SPTB: variants seen among roughly 807,000 people sequenced by gnomAD.
SPTB encodes the protein spectrin beta chain, erythrocytic.
SPTB carries 45 observed loss-of-function variants against 256.2 expected under a neutral mutation model. The ratio of observed to expected loss-of-function variants is 0.18; its 90% confidence interval spans 0.14 to 0.23. The LOEUF is 0.23. Among genes scored for constraint, SPTB ranks in the 10% least tolerant of loss-of-function variants. The pLI is 1.00. For missense variants in SPTB, 2,715 were observed against 3,040.4 expected (o/e 0.89, Z 2.52); for synonymous variants, 1,231 against 1,243.1 (o/e 0.99, Z 0.21).
At position 64,775,346 on chromosome 14, in the gene SPTB, C is replaced by A. The variant is rs766366799; in HGVS notation, c.4621G>T (p.Gly1541Trp). Residue 1541 changes from glycine (G) to tryptophan (W), a missense_variant, in exon 23 of 36, where the codon GGG becomes TGG. Gly to Trp is a radical substitution (Grantham distance 184). Around this residue, in one of 4 missense-constraint regions of SPTB, gnomAD observed 2,239 missense variants for 2,384.4 expected, o/e 0.94. Coordinates refer to ENST00000644917, the MANE Select transcript of SPTB (RefSeq NM_001355436.2). The surrounding 1 kb of genome is among the most constrained non-coding windows in gnomAD (Gnocchi z 5.0). The stretch of plus-strand genomic sequence containing the variant: ...TCCGCCGCCTCCACCAGCTGCTGCC[C>A]TCTCTGCAGCACATCCTCAACCCGC... ...TPRVEDVLQR[G>W]QQLVEAAEID... The A allele has an allele frequency of 1.9e-6, 3 of 1,613,378 alleles. No individual in the cohort carries two copies. The highest frequency in any genetic ancestry group is 3.3e-5 in the Admixed American group (2 of 59,986).
At chr14:64,783,162 T>A (rs539403163) in intron 19 of SPTB, among the ~76,000 whole-genome samples, 2 of 152,318 alleles carry the variant, frequency 1.3e-5, no homozygotes, top group Non-Finnish European at 2.9e-5. Context: ...GTGGGCACAG[T>A]GTGATATAAA....
At chr14:64,797,325 C>T (rs1448428640) in intron 10 of SPTB, among the ~76,000 whole-genome samples, 1 of 151,770 alleles carries the variant, frequency 6.6e-6, no homozygotes, top group Non-Finnish European at 1.5e-5. Context: ...TAACATTTAG[C>T]CAGGTGTGGT....
chr14:64,851,942 T>C (rs1047954148), intron 1 of SPTB, among the ~76,000 whole-genome samples: 4 of 152,060 alleles, frequency 2.6e-5, no homozygotes, highest in Admixed American at 2.0e-4. Context: ...GATGGGTTGA[T>C]TGATATGTGC....
chr14:64,766,994 C>T (rs1222314341), intron 31 of SPTB, among the ~76,000 whole-genome samples, 193 bp from the exon 32 acceptor site: 1 of 152,194 alleles, frequency 6.6e-6, no homozygotes, highest in Admixed American at 6.5e-5. Context: ...GCAGATTCTT[C>T]AGAAGGGAGC....
In SPTB at chr14:64,847,092, G is replaced by A. The variant is rs991582606; in HGVS notation, c.-51-23947C>T. 3.9e-5 allele frequency among the ~76,000 whole-genome samples: 6 copies of A among 152,152 alleles called. No individual in the cohort carries two copies. The highest frequency in any genetic ancestry group is 2.1e-4 in the South Asian group (1 of 4,826). ...CCTTGTCTATGTGTAGCTCCACCTC[G>A]GGGTGTGATTTCCTCAGTTGTTCAC... On this transcript the variant is annotated intron_variant, in intron 1 of 35. Coordinates refer to ENST00000644917, the MANE Select transcript of SPTB (RefSeq NM_001355436.2). The surrounding 1 kb of genome is among the most constrained non-coding windows in gnomAD (Gnocchi z 5.9).
In SPTB at chr14:64,775,375, G is replaced by T. The variant is rs149999354; in HGVS notation, c.4592C>A (p.Thr1531Lys). The change falls in exon 23 of 36, where the codon ACG becomes AAG. Residue 1531 changes from threonine to lysine, a missense_variant. Around this residue, in one of 4 missense-constraint regions of SPTB, gnomAD observed 2,239 missense variants for 2,384.4 expected, o/e 0.94. Coordinates refer to ENST00000644917, the MANE Select transcript of SPTB (RefSeq NM_001355436.2). The surrounding 1 kb of genome is among the most constrained non-coding windows in gnomAD (Gnocchi z 5.0). Reference sequence around the variant, plus strand: ...CTGCAGCACATCCTCAACCCGCGGCGTATGGCCCAGAATCTCATTCTGCAG... The same window carrying T: ...CTGCAGCACATCCTCAACCCGCGGCTTATGGCCCAGAATCTCATTCTGCAG... ...QTLQNEILGH[T>K]PRVEDVLQRG... The T allele has an allele frequency of 1.9e-6, 3 of 1,612,956 alleles. No homozygotes were observed. In the South Asian group the frequency reaches 3.3e-5, roughly 18 times the overall value.
At position 64,760,519 on chromosome 14, in the gene SPTB, C is replaced by T. The variant is rs2082078590; in HGVS notation, c.6345+6207G>A. ...GAACACAGGCGACAAGGTCTTCTCT[C>T]TAAAGGTAACACCAGTGAGAACCAG... On this transcript the variant is annotated intron_variant, in intron 32 of 35. Transcript: ENST00000644917. The surrounding 1 kb of genome is among the most constrained non-coding windows in gnomAD (Gnocchi z 4.3). Among the ~76,000 whole-genome samples the T allele has an allele frequency of 6.6e-6, 1 of 152,202 alleles. No individual in the cohort carries two copies. Among genetic ancestry groups the T allele is most frequent in the African/African-American group, 2.4e-5 (1 of 41,456 alleles).
At chr14:64,798,578 T>A (rs1435459311) in intron 9 of SPTB, among the ~76,000 whole-genome samples, 1 of 152,220 alleles carries the variant, frequency 6.6e-6, no homozygotes, top group Non-Finnish European at 1.5e-5. Context: ...GTCCCCACCC[T>A]GAGCCCAGCC....
Position 64,758,176 on chromosome 14 carries a change from C to T in SPTB, c.6346-4383G>A, listed in dbSNP as rs924807008. Reference sequence around the variant, plus strand: ...CACCCCTGCCTCCCTGGGGCTTTGCCGAGCAATTATTGTGGCCAGTGTCCT... The same window carrying T: ...CACCCCTGCCTCCCTGGGGCTTTGCTGAGCAATTATTGTGGCCAGTGTCCT... On this transcript the variant is annotated intron_variant, in intron 32 of 35. Coordinates refer to ENST00000644917, the MANE Select transcript of SPTB (RefSeq NM_001355436.2). This position sits in a 1 kb window ranked among gnomAD's most constrained non-coding sequence, Gnocchi z 4.6. Among the ~76,000 whole-genome samples, 2 of 152,226 alleles carry T rather than the reference C, an allele frequency of 1.3e-5. No homozygotes were observed. Among genetic ancestry groups the T allele is most frequent in the East Asian group, 3.8e-4 (2 of 5,198 alleles).
At chr14:64,752,592 G>A (rs1487464282) in intron 33 of SPTB, among the ~76,000 whole-genome samples, 1 of 152,198 alleles carries the variant, frequency 6.6e-6, no homozygotes, top group East Asian at 1.9e-4. Context: ...TCACAGGATT[G>A]TTGGGAAGAT....
intron 1 of SPTB, among the ~76,000 whole-genome samples, chr14:64,839,267 A>T (rs1328622636): frequency 6.6e-6 from 1 of 152,254 alleles, no homozygotes; most frequent in Non-Finnish European, 1.5e-5. Flanking sequence ...AAGAATTGAT[A>T]TATGCACAAC....
rs888255939 is a variant in SPTB, at chr14:64,804,851, C to T, written c.300+88G>A. The stretch of plus-strand genomic sequence containing the variant: ...AGGAGCAGAGAGAAAACTGGGAAGG[C>T]CAGGAGAACTTGAGATGCCCCCAAA... On this transcript the variant is annotated intron_variant, in intron 3 of 35. Transcript: ENST00000644917. 3.9e-6 allele frequency: 6 copies of T among 1,555,990 alleles called. No individual in the cohort carries two copies. In the African/African-American group the frequency reaches 5.4e-5, roughly 14 times the overall value.
At chr14:64,750,879 AATAT>A (rs1191833991) in intron 33 of SPTB, among the ~76,000 whole-genome samples, 2 of 146,034 alleles carry the variant, frequency 1.4e-5, no homozygotes, top group Non-Finnish European at 1.5e-5. Flanking sequence ...TATTATGTAT[AATAT>A]ATATTTATAT....
rs189706347 is a variant in SPTB, at chr14:64,770,798, C to T, written c.5798+87G>A. 3.6e-5 allele frequency: 57 copies of T among 1,593,526 alleles called. No individual in the cohort carries two copies. In the Admixed American group the frequency reaches 4.5e-4, roughly 13 times the overall value. On this transcript the variant is annotated intron_variant, in intron 27 of 35. Coordinates refer to ENST00000644917, the MANE Select transcript of SPTB (RefSeq NM_001355436.2). ...ACGATAGTCCAGGACTGTCCCTTCACGGAGGAGCCACAGTGCAGCACCCTG... is the reference window on the plus strand; with the variant it reads ...ACGATAGTCCAGGACTGTCCCTTCATGGAGGAGCCACAGTGCAGCACCCTG...
At chr14:64,771,884 G>T (rs1053863422) in intron 26 of SPTB, among the ~76,000 whole-genome samples, 1 of 152,172 alleles carries the variant, frequency 6.6e-6, no homozygotes, top group African/African-American at 2.4e-5. Context: ...CTGGGATTGC[G>T]CAGCCAGCCT....
chr14:64,789,880 G>C (rs1453073781), intron 15 of SPTB, among the ~76,000 whole-genome samples: 2 of 152,190 alleles, frequency 1.3e-5, no homozygotes, highest in African/African-American at 2.4e-5. Context: ...TATGTAGAGG[G>C]AGGGAGAATG....
chr14:64,804,825 A>G, intron 3 of SPTB, 114 bp downstream of exon 3: 1 of 1,372,784 alleles, frequency 7.3e-7, no homozygotes, highest in South Asian at 1.2e-5. Flanking sequence ...GAGCCTCCCA[A>G]AGGAGCAGAG....
intron 2 of SPTB, among the ~76,000 whole-genome samples, chr14:64,815,625 A>C (rs972902340): frequency 2.0e-5 from 3 of 152,220 alleles, no homozygotes; most frequent in Admixed American, 6.5e-5. Flanking sequence ...GGGCTGCAAA[A>C]GTCAAGATGG....
At position 64,747,153 on chromosome 14, in the gene SPTB, T is replaced by C. The variant is rs983395395; in HGVS notation, c.*2153A>G. ...CCTTCCTTTCTCGGGTCTGTGGAGTTGCTTGCTGGAAATGCCTCACTTCAG... is the reference window on the plus strand; with the variant it reads ...CCTTCCTTTCTCGGGTCTGTGGAGTCGCTTGCTGGAAATGCCTCACTTCAG... On this transcript the variant is annotated 3_prime_UTR_variant, in exon 36 of 36. Transcript: ENST00000644917. The C allele has an allele frequency of 6.6e-6, 1 of 152,474 alleles. No homozygotes were observed. The highest frequency in any genetic ancestry group is 2.4e-5 in the African/African-American group (1 of 41,416). 9.4% of individuals were successfully genotyped at this position (152,474 alleles called of 1,614,324 possible).
Sources: gnomAD v4.1 joint callset for allele counts (sites outside exome capture counted in the v4.1 genomes callset) on GRCh38, gnomAD v4.1.1 for gene constraint, gnomAD v4.1.1 regional missense constraint, Gnocchi (gnomAD v3.1) non-coding constraint, MANE v1.5 for transcripts, NCBI Gene and HGNC (gene_info 2026-07-23, HGNC 2026-07-21) for gene names.